CHN2: variants seen among roughly 807,000 people sequenced by gnomAD.
CHN2 encodes the protein beta-chimaerin.
A neutral mutation model predicts 56.3 loss-of-function variants in CHN2; 35 were observed. The observed-to-expected ratio is 0.62, with a 90% CI of 0.47 to 0.82. The LOEUF is 0.82. Among genes scored for constraint, CHN2 ranks in the 40% least tolerant of loss-of-function variants. The pLI is 0.00. For synonymous variants in CHN2, 210 were observed against 212.8 expected (o/e 0.99, Z 0.12); for missense variants, 491 against 580.5 (o/e 0.85, Z 1.58).
intron 9 of CHN2, among the ~76,000 whole-genome samples, chr7:29,500,989 G>A (rs1314013314): frequency 1.3e-5 from 2 of 152,190 alleles, no homozygotes; most frequent in East Asian, 3.8e-4. Flanking sequence ...ATTTGGCCAT[G>A]TATAGAGCCT....
intron 1 of CHN2, among the ~76,000 whole-genome samples, chr7:29,316,837 G>A (rs1794988578): frequency 6.6e-6 from 1 of 151,972 alleles, no homozygotes; most frequent in African/African-American, 2.4e-5. Flanking sequence ...TTTTTGGAGG[G>A]TGTGTGGTAG....
intron 6 of CHN2, chr7:29,401,029 G>C (rs977540018): frequency 1.7e-6 from 1 of 578,556 alleles, no homozygotes; most frequent in African/African-American, 1.9e-5. Flanking sequence ...ATCTCTTTGG[G>C]AGGCCGAGGC....
At chr7:29,344,837 T>A (rs1437234923) in intron 1 of CHN2, among the ~76,000 whole-genome samples, 1 of 152,176 alleles carries the variant, frequency 6.6e-6, no homozygotes, top group African/African-American at 2.4e-5. Flanking sequence ...CCCTGCCCCA[T>A]GCAGCCTTCC....
intron 7 of CHN2, among the ~76,000 whole-genome samples, chr7:29,481,856 G>A (rs1366533296): frequency 6.6e-6 from 1 of 151,922 alleles, no homozygotes; most frequent in Non-Finnish European, 1.5e-5. Flanking sequence ...AATTCATTTG[G>A]CGTTAAGAAA....
chr7:29,204,670 G>C (rs1484229453), intron 1 of CHN2, among the ~76,000 whole-genome samples: 1 of 152,068 alleles, frequency 6.6e-6, no homozygotes, highest in Admixed American at 6.5e-5. Flanking sequence ...CAATGCCTAG[G>C]GTTGAAGGTA....
chr7:29,342,367 C>T (rs968283015), intron 1 of CHN2, among the ~76,000 whole-genome samples: 1 of 152,182 alleles, frequency 6.6e-6, no homozygotes, highest in Admixed American at 6.5e-5. Context: ...TAGTGGAGGA[C>T]CTCAGCTTCT....
chr7:29,159,592 C>G (rs1293486191), intron 2 of CHN2, among the ~76,000 whole-genome samples: 1 of 152,084 alleles, frequency 6.6e-6, no homozygotes, highest in East Asian at 1.9e-4. Context: ...AACCTCTTCC[C>G]ACACAAGTCT....
intron 3 of CHN2, among the ~76,000 whole-genome samples, chr7:29,369,655 AGT>A (rs1562553308): frequency 6.6e-6 from 1 of 152,216 alleles, no homozygotes; most frequent in East Asian, 1.9e-4. Context: ...GAACCATGTC[AGT>A]TGCCCTTAAG....
intron 1 of CHN2, among the ~76,000 whole-genome samples, chr7:29,302,130 G>A (rs914854870): frequency 6.6e-6 from 1 of 152,342 alleles, no homozygotes; most frequent in Non-Finnish European, 1.5e-5. Flanking sequence ...CTCTAACAGA[G>A]TGATCTCTAG....
At chr7:29,326,700 A>G (rs1795828901) in intron 1 of CHN2, among the ~76,000 whole-genome samples, 1 of 152,186 alleles carries the variant, frequency 6.6e-6, no homozygotes, top group South Asian at 2.1e-4. Context: ...GTGTAATATC[A>G]TAGATGACTC....
At chr7:29,234,583 A>C (rs1020996133) in intron 1 of CHN2, among the ~76,000 whole-genome samples, 1 of 152,182 alleles carries the variant, frequency 6.6e-6, no homozygotes, top group African/African-American at 2.4e-5. Context: ...TATGCTTTGA[A>C]GTTCTAAGTA....
At chr7:29,194,373 G>C (rs1211708369), upstream of CHN2, 1 of 151,806 alleles carries the variant, frequency 6.6e-6, no homozygotes, top group Non-Finnish European at 1.5e-5. Flanking sequence ...TGTCAAGCCC[G>C]CAGCAGCCGA....
At chr7:29,393,748 AAGT>A (rs1801527890) in intron 4 of CHN2, 38 bp downstream of exon 4, 1 of 683,698 alleles carries the variant, frequency 1.5e-6, no homozygotes. Context: ...ATAATTTAAT[AAGT>A]AGTCATTTCA....
At chr7:29,264,601 T>A (rs1238567399) in intron 1 of CHN2, among the ~76,000 whole-genome samples, 4 of 152,282 alleles carry the variant, frequency 2.6e-5, no homozygotes, top group South Asian at 2.1e-4. Flanking sequence ...GTTGAACAGA[T>A]GCTTGAAGGC....
chr7:29,185,407 T>C lies in CHN2; in HGVS notation c.274+38447T>C, dbSNP rs963709082. The C allele has an allele frequency of 2.9e-4, 44 of 152,344 alleles. 1 individual carries two copies. The highest frequency in any genetic ancestry group is 9.9e-4 in the African/African-American group (41 of 41,584). The allele number at this position is 152,344 out of a possible 1,614,324, so 9.4% of individuals were successfully genotyped here. On this transcript the variant is annotated intron_variant, in intron 2 of 6. Transcript: ENST00000439384. ...TTAGATTTTATTCTATTTTCTCATA[T>C]CATGATGTCTGTGGTTACACGCTCT...
intron 6 of CHN2, among the ~76,000 whole-genome samples, chr7:29,476,756 C>T (rs1421226368): frequency 1.3e-5 from 2 of 152,082 alleles, no homozygotes; most frequent in Non-Finnish European, 2.9e-5. Flanking sequence ...AGGGGCTCTA[C>T]TGGCATCTAG....
At chr7:29,295,603 TGA>T (rs1266870512) in intron 1 of CHN2, among the ~76,000 whole-genome samples, 4 of 151,636 alleles carry the variant, frequency 2.6e-5, no homozygotes, top group Non-Finnish European at 5.9e-5. Flanking sequence ...TTAAAAAAGA[TGA>T]GAGAGTTAAA....
intron 1 of CHN2, among the ~76,000 whole-genome samples, chr7:29,284,297 G>A (rs562086147): frequency 1.6e-4 from 25 of 152,098 alleles, no homozygotes; most frequent in African/African-American, 5.1e-4. Context: ...GTTTCACCAC[G>A]TTGGCCAGGC....
rs566955888 is a variant in CHN2, at chr7:29,488,734, T to C, written c.655-7218T>C. Among the ~76,000 whole-genome samples the C allele has an allele frequency of 3.3e-5, 5 of 151,812 alleles. No homozygotes were observed. The East Asian group carries it at 7.8e-4, about 24-fold the overall frequency. ...GGACATTTGTCAATGCCTACAGATATTTGTGATTTGTCCCAGCTGGGAGTG... is the reference window on the plus strand; with the variant it reads ...GGACATTTGTCAATGCCTACAGATACTTGTGATTTGTCCCAGCTGGGAGTG... On this transcript the variant is annotated intron_variant, in intron 7 of 12. Coordinates refer to ENST00000222792, the MANE Select transcript of CHN2 (RefSeq NM_004067.4).
Sources: allele counts gnomAD v4.1 joint callset (sites outside exome capture counted in the v4.1 genomes callset), GRCh38; gene constraint gnomAD v4.1.1; transcripts MANE v1.5; gene names NCBI Gene and HGNC (gene_info 2026-07-23, HGNC 2026-07-21).